FRMD3: variants seen among roughly 807,000 people sequenced by gnomAD.
FRMD3 encodes FERM domain containing 3, also known as FERM domain-containing protein 3.
Under a neutral mutation model 70.2 loss-of-function variants are expected in FRMD3, and 33 were observed. The observed-to-expected ratio is 0.47, with a 90% CI of 0.36 to 0.63. The LOEUF is 0.63. FRMD3 is among the 20% of genes least tolerant of loss of function. FRMD3 has a pLI of 0.00. For synonymous variants in FRMD3, 279 were observed against 255.9 expected (o/e 1.09, Z -0.86); for missense variants, 632 against 711.4 (o/e 0.89, Z 1.27).
At chr9:83,413,862 T>C (rs982613902) in intron 1 of FRMD3, among the ~76,000 whole-genome samples, 25 of 152,186 alleles carry the variant, frequency 1.6e-4, no homozygotes, top group African/African-American at 5.8e-4. Context: ...GATTTATATA[T>C]CTCTTGCCAG....
At chr9:83,456,960 T>G (rs1050832810) in intron 1 of FRMD3, among the ~76,000 whole-genome samples, 4 of 151,020 alleles carry the variant, frequency 2.6e-5, no homozygotes, top group Non-Finnish European at 4.4e-5. Flanking sequence ...AGCCTGGGCA[T>G]CACAGTAAGA....
the FRMD3 span, among the ~76,000 whole-genome samples, chr9:83,560,533 A>G: frequency 6.6e-6 from 1 of 152,220 alleles, no homozygotes; most frequent in Admixed American, 6.5e-5. Context: ...CAATGTGCAC[A>G]TTTGTGAGAG....
intron 1 of FRMD3, among the ~76,000 whole-genome samples, chr9:83,398,402 T>C (rs944539637): frequency 1.3e-5 from 2 of 152,158 alleles, no homozygotes; most frequent in Non-Finnish European, 2.9e-5. Context: ...GGGAGATAAA[T>C]GTAAAGAAAA....
At chr9:83,382,813 A>G (rs1177494908) in intron 2 of FRMD3, among the ~76,000 whole-genome samples, 1 of 152,034 alleles carries the variant, frequency 6.6e-6, no homozygotes. Context: ...GTCATGAAAG[A>G]CTTCACTGGC....
At chr9:83,320,118 T>C (rs1236492852) in intron 6 of FRMD3, among the ~76,000 whole-genome samples, 1 of 152,228 alleles carries the variant, frequency 6.6e-6, no homozygotes, top group African/African-American at 2.4e-5. Context: ...AAAATTTGAC[T>C]TCCTTTTTTC....
At chr9:83,446,278 C>A (rs1827459397) in intron 1 of FRMD3, among the ~76,000 whole-genome samples, 1 of 152,196 alleles carries the variant, frequency 6.6e-6, no homozygotes, top group Non-Finnish European at 1.5e-5. Flanking sequence ...AGCCCAGCGG[C>A]CTTCATACCA....
chr9:83,426,850 C>G (rs1175558362), intron 1 of FRMD3, among the ~76,000 whole-genome samples: 1 of 152,152 alleles, frequency 6.6e-6, no homozygotes, highest in Non-Finnish European at 1.5e-5. Context: ...GAAGGGACAC[C>G]AAGGAGATCA....
At chr9:83,509,409 C>T (rs1315528138) in intron 1 of FRMD3, among the ~76,000 whole-genome samples, 1 of 152,144 alleles carries the variant, frequency 6.6e-6, no homozygotes, top group Non-Finnish European at 1.5e-5. Context: ...GCAGTAGCCA[C>T]AGCCAAAAAG....
At chr9:83,350,872 T>A in intron 3 of FRMD3, 1 of 497,878 alleles carries the variant, frequency 2.0e-6, no homozygotes, top group Non-Finnish European at 2.6e-6. Flanking sequence ...CTTGTAATAT[T>A]ACACTGATAA....
intron 1 of FRMD3, among the ~76,000 whole-genome samples, chr9:83,479,302 A>G (rs531144134): frequency 1.2e-4 from 14 of 118,324 alleles, no homozygotes; most frequent in African/African-American, 2.9e-4. Context: ...GAAGAAGAAG[A>G]AGGAGAAGGA....
chr9:83,248,876 AC>A (rs1489237327), intron 13 of FRMD3, among the ~76,000 whole-genome samples: 1 of 152,210 alleles, frequency 6.6e-6, no homozygotes, highest in Non-Finnish European at 1.5e-5. Flanking sequence ...CAACAATATC[AC>A]CCGATATATT....
intron 1 of FRMD3, among the ~76,000 whole-genome samples, chr9:83,411,467 C>A (rs1383301519): frequency 6.6e-6 from 1 of 152,166 alleles, no homozygotes; most frequent in Non-Finnish European, 1.5e-5. Flanking sequence ...TTGGTTCACC[C>A]TAACAATGGT....
intron 1 of FRMD3, among the ~76,000 whole-genome samples, chr9:83,443,451 C>T (rs140649603): frequency 0.012 from 1,839 of 152,288 alleles, 47 homozygotes; most frequent in African/African-American, 0.042. Flanking sequence ...TCACCCATGT[C>T]GCTACAAAGG....
chr9:83,533,811 C>T (rs1829837217), intron 1 of FRMD3, among the ~76,000 whole-genome samples: 1 of 152,174 alleles, frequency 6.6e-6, no homozygotes, highest in Non-Finnish European at 1.5e-5. Flanking sequence ...ATGCAAAGCA[C>T]TATGCTAAGA....
At chr9:83,473,028 A>G (rs1041723349) in intron 1 of FRMD3, among the ~76,000 whole-genome samples, 1 of 151,882 alleles carries the variant, frequency 6.6e-6, no homozygotes, top group Non-Finnish European at 1.5e-5. Context: ...TGCTTACAAT[A>G]TTTCCCCTTC....
intron 6 of FRMD3, among the ~76,000 whole-genome samples, chr9:83,329,758 A>G (rs2131120647): frequency 6.6e-6 from 1 of 152,344 alleles, no homozygotes; most frequent in East Asian, 1.9e-4. Context: ...ACTTCATCAA[A>G]ACTGCTTTAC....
intron 6 of FRMD3, among the ~76,000 whole-genome samples, chr9:83,324,003 ACT>A (rs775916057): frequency 2.0e-5 from 3 of 152,210 alleles, no homozygotes; most frequent in Non-Finnish European, 2.9e-5. Flanking sequence ...AGCCATAGTA[ACT>A]CTGTCTGCAA....
chr9:83,355,133 G>C (rs973092342), intron 3 of FRMD3, among the ~76,000 whole-genome samples: 2 of 152,092 alleles, frequency 1.3e-5, no homozygotes, highest in African/African-American at 4.8e-5. Context: ...CTTGTGCAGC[G>C]ATGACTAACC....
chr9:83,556,964 TAAA>T, the FRMD3 span, among the ~76,000 whole-genome samples: 6 of 152,132 alleles, frequency 3.9e-5, no homozygotes, highest in Admixed American at 3.9e-4. Context: ...GAAAATGACT[TAAA>T]AATATATTGA....
Sources: gnomAD v4.1 joint callset for allele counts (sites outside exome capture counted in the v4.1 genomes callset) on GRCh38, gnomAD v4.1.1 for gene constraint, MANE v1.5 for transcripts, NCBI Gene and HGNC (gene_info 2026-07-23, HGNC 2026-07-21) for gene names.